BCL2L14: variants seen among roughly 807,000 people sequenced by gnomAD.
BCL2L14 encodes BCL2 like 14.
BCL2L14 carries 27 observed loss-of-function variants against 35.3 expected under a neutral mutation model. The ratio of observed to expected loss-of-function variants is 0.76; its 90% confidence interval spans 0.56 to 1.05. The LOEUF is 1.05. Ranked by LOEUF, BCL2L14 falls within the 50% of genes least tolerant of loss-of-function variation. The pLI is 0.00. For missense variants in BCL2L14, 377 were observed against 382.6 expected (o/e 0.99, Z 0.12); for synonymous variants, 139 against 145.9 (o/e 0.95, Z 0.34).
At chr12:12,060,105 A>C (rs921802078) in intron 2 of BCL2L14, among the ~76,000 whole-genome samples, 1 of 151,000 alleles carries the variant, frequency 6.6e-6, no homozygotes. Flanking sequence ...GCTAGGTCGC[A>C]ATTCTTCCTC....
At chr12:12,094,190 T>C (rs1949260648) in intron 4 of BCL2L14, among the ~76,000 whole-genome samples, 1 of 152,070 alleles carries the variant, frequency 6.6e-6, no homozygotes, top group Non-Finnish European at 1.5e-5. Flanking sequence ...AAACTGAATC[T>C]GAGAGGTTAA....
upstream of BCL2L14, among the ~76,000 whole-genome samples, chr12:12,067,553 GA>G (rs963297819): frequency 1.3e-5 from 2 of 150,802 alleles, no homozygotes; most frequent in African/African-American, 2.4e-5. Context: ...TCTGTCTGAA[GA>G]AAAAAAAAGA....
At chr12:12,095,980 AAGG>A in intron 5 of BCL2L14, 1 of 985,358 alleles carries the variant, frequency 1.0e-6, no homozygotes. Flanking sequence ...CTTATTCTAA[AAGG>A]AGGACAGGTT....
In BCL2L14 at chr12:12,099,090, G is replaced by A; in HGVS notation, c.*102G>A. 2 of 840,932 alleles carry A rather than the reference G, an allele frequency of 2.4e-6. No individual in the cohort carries two copies. Among genetic ancestry groups the A allele is most frequent in the Non-Finnish European group, 4.0e-6 (2 of 499,700 alleles). The allele number at this position is 840,932 out of a possible 1,614,324, so 52.1% of individuals were successfully genotyped here. A position where few individuals can be genotyped will look rare whatever the true frequency, so the allele number is the denominator to read the frequency against. ...GATTACAACGTACAAGGCAGATGGA[G>A]CATTGACGTTTTCAAAACCATTATT... On this transcript the variant is annotated 3_prime_UTR_variant, in exon 6 of 6. Coordinates refer to ENST00000308721, the MANE Select transcript of BCL2L14 (RefSeq NM_138723.2).
chr12:12,083,090 G>A (rs890710912), intron 2 of BCL2L14, among the ~76,000 whole-genome samples: 9 of 151,970 alleles, frequency 5.9e-5, no homozygotes, highest in Non-Finnish European at 1.0e-4. Flanking sequence ...TCAGCCTCCC[G>A]AGTAGCTGGG....
At chr12:12,092,991 C>G (rs1641727) in intron 4 of BCL2L14, among the ~76,000 whole-genome samples, 45,059 of 152,056 alleles carry the variant, frequency 0.3, 6,743 homozygotes, top group East Asian at 0.41. Flanking sequence ...CACATGACAA[C>G]CAGCATATTA....
chr12:12,095,645 C>A (rs1403387503), intron 5 of BCL2L14: 1 of 985,256 alleles, frequency 1.0e-6, no homozygotes, highest in East Asian at 1.1e-4. Flanking sequence ...GGCGGACAGA[C>A]CTTCATCCCA....
At chr12:12,051,358 A>G (rs17757771) in intron 1 of BCL2L14, among the ~76,000 whole-genome samples, 3,923 of 152,312 alleles carry the variant, frequency 0.026, 81 homozygotes, top group Non-Finnish European at 0.044. Flanking sequence ...AACCTAAAAC[A>G]TCACCGAGGT....
chr12:12,091,402 C>T (rs550470490), intron 4 of BCL2L14, among the ~76,000 whole-genome samples: 24 of 152,284 alleles, frequency 1.6e-4, no homozygotes, highest in South Asian at 1.2e-3. Context: ...CAATCAGGAA[C>T]GGGTGAGAGT....
intron 2 of BCL2L14, among the ~76,000 whole-genome samples, chr12:12,058,283 C>T (rs1200614832): frequency 1.0e-4 from 15 of 150,432 alleles, no homozygotes; most frequent in Admixed American, 9.9e-4. Flanking sequence ...GAGACGGAGT[C>T]TCTGTTGCCC....
upstream of BCL2L14, among the ~76,000 whole-genome samples, chr12:12,066,907 T>C (rs1050258925): frequency 6.6e-6 from 1 of 152,082 alleles, no homozygotes; most frequent in African/African-American, 2.4e-5. Flanking sequence ...AGACGGGGTT[T>C]CGCTGTGTTA....
In BCL2L14 at chr12:12,087,340, C is replaced by A. The variant is rs1167665895; in HGVS notation, c.561C>A (p.Ser187=). The A allele has an allele frequency of 1.2e-6, 2 of 1,614,130 alleles. No individual in the cohort carries two copies. The highest frequency in any genetic ancestry group is 2.7e-5 in the African/African-American group (2 of 74,950). ...SKEIFVTEGL[S]FQLQGHVPVA... ...AGATTTTTGTAACTGAGGGTCTCTC[C>A]TTCCAGCTCCAAGGCCACGTGCCTG... The change falls in exon 3 of 6, where the codon TCC becomes TCA. Residue 187 remains serine, a synonymous_variant. Coordinates refer to ENST00000308721, the MANE Select transcript of BCL2L14 (RefSeq NM_138723.2).
At position 12,099,540 on chromosome 12, in the gene BCL2L14, C is replaced by T. The variant is rs1949384466; in HGVS notation, c.*552C>T. On this transcript the variant is annotated 3_prime_UTR_variant, in exon 6 of 6. Transcript: ENST00000308721. ...TTGTCTGTGCCTTTTTGAAAAACTT[C>T]CATTTGGTACAAAATTTTTACTCCA... 1 of 152,228 alleles carries T rather than the reference C, an allele frequency of 6.6e-6. No individual in the cohort carries two copies. Among genetic ancestry groups the T allele is most frequent in the Non-Finnish European group, 1.5e-5 (1 of 68,108 alleles). The allele number at this position is 152,228 out of a possible 1,614,324, so 9.4% of individuals were successfully genotyped here. A position where few individuals can be genotyped will look rare whatever the true frequency, so the allele number is the denominator to read the frequency against.
At chr12:12,080,811 G>A (rs1948904155) in intron 2 of BCL2L14, among the ~76,000 whole-genome samples, 1 of 152,096 alleles carries the variant, frequency 6.6e-6, no homozygotes, top group Admixed American at 6.6e-5. Flanking sequence ...TCTTGACAAA[G>A]TACAAACCAT....
chr12:12,076,147 C>T (rs1176460539), intron 1 of BCL2L14, among the ~76,000 whole-genome samples: 3 of 71,516 alleles, frequency 4.2e-5, no homozygotes, highest in Admixed American at 4.0e-4. Context: ...GTGGGATGCC[C>T]GGAAAATGCA....
At chr12:12,094,551 T>C (rs1949267528) in intron 4 of BCL2L14, 113 bp from the exon 5 acceptor site, 1 of 1,614,242 alleles carries the variant, frequency 6.2e-7, no homozygotes, top group African/African-American at 1.3e-5. Flanking sequence ...GACACCAGCA[T>C]CCAGGGTTTT....
chr12:12,082,759 C>T (rs1948954978), intron 2 of BCL2L14, among the ~76,000 whole-genome samples: 1 of 152,120 alleles, frequency 6.6e-6, no homozygotes, highest in Non-Finnish European at 1.5e-5. Context: ...CCTAAGAAGG[C>T]TTTAAACACA....
chr12:12,065,526 A>C (rs1290313687), intron 2 of BCL2L14, among the ~76,000 whole-genome samples: 3 of 82,798 alleles, frequency 3.6e-5, no homozygotes, highest in African/African-American at 1.3e-4. Context: ...ACAGAGTGAG[A>C]CTCCATCTCA....
intron 3 of BCL2L14, among the ~76,000 whole-genome samples, chr12:12,089,442 T>C (rs1949125109): frequency 6.6e-6 from 1 of 150,916 alleles, no homozygotes; most frequent in Non-Finnish European, 1.5e-5. Context: ...ACGTCTGTAA[T>C]CCCAGCACTT....
Sources: allele counts gnomAD v4.1 joint callset (sites outside exome capture counted in the v4.1 genomes callset), GRCh38; gene constraint gnomAD v4.1.1; transcripts MANE v1.5; gene names NCBI Gene and HGNC (gene_info 2026-07-23, HGNC 2026-07-21).